ONECUT1: variants seen among roughly 807,000 people sequenced by gnomAD.
ONECUT1 encodes the protein hepatocyte nuclear factor 6.
ONECUT1 carries 12 observed loss-of-function variants against 25.6 expected under a neutral mutation model. The ratio of observed to expected loss-of-function variants is 0.47; its 90% CI spans 0.30 to 0.76. ONECUT1 has a LOEUF of 0.76. ONECUT1 is among the 30% of genes least tolerant of loss of function. The pLI, the probability that ONECUT1 is intolerant of heterozygous loss-of-function variation, is 0.07. For missense variants in ONECUT1, 620 were observed against 651.2 expected, an observed-to-expected ratio of 0.95 and a Z score of 0.52; for synonymous variants, 285 against 270.2, an observed-to-expected ratio of 1.05 and a Z score of -0.54.
At chr15:52,766,749 G>A (rs192677061) in intron 1 of ONECUT1, among the ~76,000 whole-genome samples, 5 of 152,334 alleles carry the variant, frequency 3.3e-5, no homozygotes, top group Admixed American at 3.3e-4. Flanking sequence ...AGGAAAGAGC[G>A]GGAGCAGAGG....
intron 1 of ONECUT1, among the ~76,000 whole-genome samples, chr15:52,766,489 C>T (rs950019343): frequency 1.3e-5 from 2 of 152,162 alleles, no homozygotes; most frequent in African/African-American, 4.8e-5. Flanking sequence ...AAGCAGCAGG[C>T]CAGTTGTCAG....
At chr15:52,772,096 A>G (rs1038017235) in intron 1 of ONECUT1, among the ~76,000 whole-genome samples, 16 of 152,030 alleles carry the variant, frequency 1.1e-4, no homozygotes, top group Non-Finnish European at 2.4e-4. Flanking sequence ...CTGGCAGAGG[A>G]AAAAAAAGCG....
chr15:52,760,707 G>A (rs1166474559), intron 1 of ONECUT1, among the ~76,000 whole-genome samples: 2 of 152,150 alleles, frequency 1.3e-5, no homozygotes, highest in African/African-American at 4.8e-5. Context: ...AAGAAGGAAA[G>A]GCTGTGGGAG....
rs115880505 is a variant in ONECUT1, at chr15:52,755,875, C to T, written c.*1680G>A. On this transcript the variant is annotated 3_prime_UTR_variant, in exon 2 of 2. Transcript: ENST00000305901. ...GTGATTCACTGGGGTACCACTAATA[C>T]GACTTCATTTTTTTTTTGACTTTGA... Among the ~76,000 whole-genome samples, 1,716 of 149,562 alleles carry T rather than the reference C, an allele frequency of 0.011. 35 individuals are homozygous for T. The highest frequency in any genetic ancestry group is 0.042 in the African/African-American group (1,661 of 39,204).
chr15:52,780,588 T>C lies in ONECUT1; in HGVS notation c.1105+8192A>G, dbSNP rs750020761. 3.9e-6 allele frequency: 6 copies of C among 1,535,290 alleles called. No individual in the cohort carries two copies. The South Asian group carries it at 5.9e-5, about 15-fold the overall frequency. ...TGAAAGGACATTTAATAGCAAAGATTAAATTGCCTTAATGAACGATTTTTG... is the reference window on the plus strand; with the variant it reads ...TGAAAGGACATTTAATAGCAAAGATCAAATTGCCTTAATGAACGATTTTTG... On this transcript the variant is annotated intron_variant, in intron 1 of 1. Transcript: ENST00000305901.
chr15:52,770,428 C>T (rs929586718), intron 1 of ONECUT1, among the ~76,000 whole-genome samples: 2 of 152,190 alleles, frequency 1.3e-5, no homozygotes, highest in East Asian at 1.9e-4. Context: ...GATTCTGATT[C>T]GGCAAGCCAG....
chr15:52,780,667 G>T (rs139483232), intron 1 of ONECUT1: 5 of 1,532,812 alleles, frequency 3.3e-6, no homozygotes, highest in Non-Finnish European at 4.4e-6. Flanking sequence ...CACTTCAGTC[G>T]CAGAATCTGC....
In ONECUT1 at chr15:52,788,883, G is replaced by C; in HGVS notation, c.1002C>G (p.Pro334=). ...CGGATTTGAGTTTGCTCCAGGGTTT[G>C]GGGTTGCGCAGCAGGTCCGAGAGGG... is the stretch of plus-strand genomic sequence containing the variant. ...QGTLSDLLRN[P]KPWSKLKSGR... Residue 334 remains proline, a synonymous_variant, in exon 1 of 2, where the codon CCC becomes CCG. Transcript: ENST00000305901. The surrounding 1 kb of genome is among the most constrained non-coding windows in gnomAD (Gnocchi z 4.3). 3 of 1,614,178 alleles carry C rather than the reference G, an allele frequency of 1.9e-6. No homozygotes were observed. Among genetic ancestry groups the C allele is most frequent in the Non-Finnish European group, 2.5e-6 (3 of 1,180,036 alleles).
chr15:52,788,750 C>T lies in ONECUT1; in HGVS notation c.1105+30G>A, dbSNP rs773693152. The T allele has an allele frequency of 1.3e-5, 20 of 1,584,366 alleles. No individual in the cohort carries two copies. In the Admixed American group the frequency reaches 3.4e-4, roughly 27 times the overall value. On this transcript the variant is annotated intron_variant, in intron 1 of 1. Coordinates refer to ENST00000305901, the MANE Select transcript of ONECUT1 (RefSeq NM_004498.4). This position sits in a 1 kb window ranked among gnomAD's most constrained non-coding sequence, Gnocchi z 4.3. Reference sequence around the variant, plus strand: ...CCTTCGGCTTTCGTGTACCTTATCTCCCGCGCGCCCAGCTCCTTGGCCGGC... The same window carrying T: ...CCTTCGGCTTTCGTGTACCTTATCTTCCGCGCGCCCAGCTCCTTGGCCGGC...
chr15:52,788,552 G>T lies in ONECUT1; in HGVS notation c.1105+228C>A, dbSNP rs969230637. The T allele has an allele frequency of 2.0e-6, 1 of 505,272 alleles. No individual in the cohort carries two copies. 31.3% of individuals were successfully genotyped at this position (505,272 alleles called of 1,614,324 possible). A position where few individuals can be genotyped will look rare whatever the true frequency, so the allele number is the denominator to read the frequency against. The stretch of plus-strand genomic sequence containing the variant: ...GAGCCTCTTCAGTCGCCGAGGCCCG[G>T]CCGCTTAGCTCTCGGAGCCTTCCAC... On this transcript the variant is annotated intron_variant, in intron 1 of 1. Transcript: ENST00000305901. The surrounding 1 kb of genome is among the most constrained non-coding windows in gnomAD (Gnocchi z 4.3).
Position 52,789,975 on chromosome 15 carries a change from T to G in ONECUT1, c.-91A>C. ...CACGGAGTCCGGTCTTCACATCGGCTGCTGGCGACTGTTGCCTTCCTTCCT... is the reference window on the plus strand; with the variant it reads ...CACGGAGTCCGGTCTTCACATCGGCGGCTGGCGACTGTTGCCTTCCTTCCT... On this transcript the variant is annotated 5_prime_UTR_variant, in exon 1 of 2. Transcript: ENST00000305901. This position sits in a 1 kb window ranked among gnomAD's most constrained non-coding sequence, Gnocchi z 4.1. 3.5e-6 allele frequency: 5 copies of G among 1,428,084 alleles called. No homozygotes were observed. The highest frequency in any genetic ancestry group is 3.6e-6 in the Non-Finnish European group (4 of 1,098,124). 88.5% of individuals were successfully genotyped at this position (1,428,084 alleles called of 1,614,324 possible).
intron 1 of ONECUT1, among the ~76,000 whole-genome samples, chr15:52,765,391 C>G (rs1253045618): frequency 1.3e-5 from 2 of 152,160 alleles, no homozygotes; most frequent in Admixed American, 1.3e-4. Flanking sequence ...TGCTCTCACC[C>G]CTACCTGCCA....
chr15:52,770,771 A>G (rs1356465686), intron 1 of ONECUT1, among the ~76,000 whole-genome samples: 1 of 152,252 alleles, frequency 6.6e-6, no homozygotes, highest in East Asian at 1.9e-4. Flanking sequence ...ATTGAGAAGC[A>G]GTTGTAAAAT....
chr15:52,774,410 C>T (rs1249293664), intron 1 of ONECUT1, among the ~76,000 whole-genome samples: 5 of 152,180 alleles, frequency 3.3e-5, no homozygotes, highest in Admixed American at 6.5e-5. Flanking sequence ...AAGTGATTCT[C>T]CTGCCTCAGC....
At position 52,790,017 on chromosome 15, in the gene ONECUT1, G is replaced by GTCTCTC. The variant is rs112104300; in HGVS notation, c.-139_-134dup. The GTCTCTC allele has an allele frequency of 4.1e-4, 491 of 1,202,876 alleles. 1 individual carries two copies. The African/African-American group carries it at 7.1e-3, about 17-fold the overall frequency. 74.5% of individuals were successfully genotyped at this position (1,202,876 alleles called of 1,614,324 possible). A position where few individuals can be genotyped will look rare whatever the true frequency, so the allele number is the denominator to read the frequency against. On this transcript the variant is annotated 5_prime_UTR_variant, in exon 1 of 2. Transcript: ENST00000305901. ...TTCCTTCCTCTCACTGTGGGGCTCTGTCTCTCTCTCTCTCTCTCTCCGTGT... is the reference window on the plus strand; with the variant it reads ...TTCCTTCCTCTCACTGTGGGGCTCTGTCTCTCTCTCTCTCTCTCTCTCTCTCCGTGT...
chr15:52,780,680 C>T, intron 1 of ONECUT1: 2 of 1,533,144 alleles, frequency 1.3e-6, no homozygotes, highest in Non-Finnish European at 1.7e-6. Context: ...GAATCTGCAG[C>T]GAGCACAGAG....
chr15:52,758,723 T>TATTCTAATG (rs1335978642), intron 1 of ONECUT1, among the ~76,000 whole-genome samples: 25 of 152,196 alleles, frequency 1.6e-4, no homozygotes, highest in African/African-American at 6.0e-4. Context: ...GCTGATGGAG[T>TATTCTAATG]TATTCTAATG....
At chr15:52,758,152 T>C (rs1016780749) in intron 1 of ONECUT1, among the ~76,000 whole-genome samples, 4 of 152,240 alleles carry the variant, frequency 2.6e-5, no homozygotes, top group African/African-American at 7.2e-5. Context: ...TGTAAGTTTC[T>C]GGCTAAATGA....
At chr15:52,775,757 A>G (rs1477992816) in intron 1 of ONECUT1, among the ~76,000 whole-genome samples, 1 of 152,232 alleles carries the variant, frequency 6.6e-6, no homozygotes, top group Admixed American at 6.5e-5. Flanking sequence ...GAGGAAAGTA[A>G]AATGTGTTTT....
Sources: gnomAD v4.1 joint callset for allele counts (sites outside exome capture counted in the v4.1 genomes callset) on GRCh38, gnomAD v4.1.1 for gene constraint, Gnocchi (gnomAD v3.1) non-coding constraint, MANE v1.5 for transcripts, NCBI Gene and HGNC (gene_info 2026-07-23, HGNC 2026-07-21) for gene names.